The following CCDC51 variants were observed in gnomAD, a reference collection of about 807,000 sequenced individuals.
CCDC51 encodes mitochondrial potassium channel.
Under a neutral mutation model 24.8 loss-of-function variants are expected in CCDC51, and 25 were observed. That is an observed-to-expected ratio of 1.01 (90% CI 0.73 to 1.41). The LOEUF (loss-of-function observed/expected upper bound fraction) is 1.41. Among genes scored for constraint, CCDC51 ranks in the 40% most tolerant of loss-of-function variants. The pLI is 0.00. For missense variants in CCDC51, 466 were observed against 519.1 expected (o/e 0.90, Z 0.99); for synonymous variants, 190 against 204.3 (o/e 0.93, Z 0.60).
chr3:48,445,713 T>A, the CCDC51 span, among the ~76,000 whole-genome samples: 1 of 152,224 alleles, frequency 6.6e-6, no homozygotes, highest in African/African-American at 2.4e-5. Context: ...GATAGCACTC[T>A]CTTTTTCATT....
At chr3:48,440,338 T>TGCGGGGACG, upstream of CCDC51, 2 of 1,611,828 alleles carry the variant, frequency 1.2e-6, no homozygotes, top group Non-Finnish European at 1.7e-6. Context: ...CCGTGAGGAC[T>TGCGGGGACG]GCGGGGACGG....
In CCDC51 at chr3:48,440,018, G is replaced by T; in HGVS notation, c.-39C>A. 1.9e-6 allele frequency: 1 copy of T among 527,046 alleles called. No homozygotes were observed. The highest frequency in any genetic ancestry group is 3.3e-6 in the Non-Finnish European group (1 of 301,746). 32.6% of individuals were successfully genotyped at this position (527,046 alleles called of 1,614,324 possible). A position where few individuals can be genotyped will look rare whatever the true frequency, so the allele number is the denominator to read the frequency against. ...GTGCTCTTCCCGCGCACGGCCACAG[G>T]CCTGGTAGGCCGTCCGGTTAAGTAC... On this transcript the variant is annotated 5_prime_UTR_variant, in exon 1 of 4. Coordinates refer to ENST00000395694, the MANE Select transcript of CCDC51 (RefSeq NM_001256964.2).
chr3:48,440,075 G>C lies in CCDC51; in HGVS notation c.-96C>G. ...TACGGTTCCGATTCTACCCTGGCAG[G>C]ACAACCCTAGCTCCTCGTACCTGGC... On this transcript the variant is annotated 5_prime_UTR_variant, in exon 1 of 4. Transcript: ENST00000395694. The C allele has an allele frequency of 1.4e-6, 1 of 723,624 alleles. No homozygotes were observed. Among genetic ancestry groups the C allele is most frequent in the Non-Finnish European group, 2.2e-6 (1 of 458,774 alleles). The allele number at this position is 723,624 out of a possible 1,614,324, so 44.8% of individuals were successfully genotyped here. A position where few individuals can be genotyped will look rare whatever the true frequency, so the allele number is the denominator to read the frequency against.
chr3:48,442,964 G>C (rs1203212721), upstream of CCDC51, among the ~76,000 whole-genome samples: 5 of 151,852 alleles, frequency 3.3e-5, no homozygotes, highest in African/African-American at 1.2e-4. Context: ...TTTTGGCTGG[G>C]CATGGTGGCT....
chr3:48,445,769 C>G, the CCDC51 span, among the ~76,000 whole-genome samples: 5 of 152,332 alleles, frequency 3.3e-5, no homozygotes, highest in Middle Eastern at 3.4e-3. Flanking sequence ...AGGACACTCA[C>G]AGGTGAAGTT....
At chr3:48,443,339 G>A (rs1049454462), upstream of CCDC51, among the ~76,000 whole-genome samples, 2 of 151,776 alleles carry the variant, frequency 1.3e-5, no homozygotes, top group African/African-American at 2.4e-5. Context: ...CCTGAGGTCA[G>A]GAGTTCGAGA....
chr3:48,436,301 G>A (rs900694899), intron 1 of CCDC51, among the ~76,000 whole-genome samples: 3 of 152,142 alleles, frequency 2.0e-5, no homozygotes, highest in Non-Finnish European at 4.4e-5. Flanking sequence ...CTGATGGAAG[G>A]TGATATGAGA....
chr3:48,437,384 G>A lies in CCDC51; in HGVS notation c.-8-2248C>T, dbSNP rs2039386820. On this transcript the variant is annotated intron_variant, in intron 1 of 3. Coordinates refer to ENST00000395694, the MANE Select transcript of CCDC51 (RefSeq NM_001256964.2). The surrounding 1 kb of genome is among the most constrained non-coding windows in gnomAD (Gnocchi z 4.2). ...CACCATCCCACCAGCCCCCAACCCT[G>A]GGCCCTGTTTCTCAGCCCCCAGGAT... Among the ~76,000 whole-genome samples, 1 of 151,876 alleles carries A rather than the reference G, an allele frequency of 6.6e-6. No individual in the cohort carries two copies. Among genetic ancestry groups the A allele is most frequent in the East Asian group, 1.9e-4 (1 of 5,174 alleles).
upstream of CCDC51, chr3:48,440,988 A>G (rs943165305): frequency 1.2e-5 from 4 of 341,100 alleles, no homozygotes; most frequent in Non-Finnish European, 2.2e-5. Flanking sequence ...CTAGTGTTTG[A>G]ACCTTACTTG....
rs2039213531 is a variant in CCDC51 at position 48,432,689 on chromosome 3, C to A, written c.955G>T (p.Gly319Cys). The change falls in exon 4 of 4, where the codon GGC becomes TGC. Residue 319 changes from glycine to cysteine, a missense_variant. By Grantham distance (159) the Gly-to-Cys change is radical (BLOSUM62 -3). Transcript: ENST00000395694. ...HSRQVHSCLE[G>C]LREQLDGLEK... ...AGGCCATCAAGCTGCTCTCGTAAGC[C>A]TTCTAGACATGAATGGACTTGCCTG... 6.2e-7 allele frequency: 1 copy of A among 1,614,116 alleles called. No individual in the cohort carries two copies. Among genetic ancestry groups the A allele is most frequent in the African/African-American group, 1.3e-5 (1 of 74,940 alleles).
Position 48,435,784 on chromosome 3 carries a change from C to A in CCDC51, c.-8-648G>T, listed in dbSNP as rs1401657285. ...AGATAATTCCAGGGGCAAAAAAAAA[C>A]AAAACAAAACTGTTTTTGCCACAGA... On this transcript the variant is annotated intron_variant, in intron 1 of 3. Coordinates refer to ENST00000395694, the MANE Select transcript of CCDC51 (RefSeq NM_001256964.2). This position sits in a 1 kb window ranked among gnomAD's most constrained non-coding sequence, Gnocchi z 4.2. Among the ~76,000 whole-genome samples the A allele has an allele frequency of 5.3e-5, 8 of 151,786 alleles. No homozygotes were observed. Among genetic ancestry groups the A allele is most frequent in the Admixed American group, 2.0e-4 (3 of 15,246 alleles).
upstream of CCDC51, chr3:48,443,910 G>T: frequency 6.7e-7 from 1 of 1,499,978 alleles, no homozygotes; most frequent in Non-Finnish European, 8.9e-7. Context: ...AGGAGATGGT[G>T]ACCCTTTATT....
At chr3:48,440,218 C>T (rs2039519529), upstream of CCDC51, 3 of 1,520,728 alleles carry the variant, frequency 2.0e-6, no homozygotes, top group African/African-American at 1.4e-5. Context: ...TCAGCGGGGC[C>T]GCCTCGCTGT....
upstream of CCDC51, among the ~76,000 whole-genome samples, chr3:48,442,713 G>A (rs2039598572): frequency 6.6e-6 from 1 of 152,016 alleles, no homozygotes; most frequent in African/African-American, 2.4e-5. Context: ...ACCTCCCAAA[G>A]TGCTGGGATT....
upstream of CCDC51, chr3:48,444,084 C>T (rs2039625004): frequency 2.5e-6 from 1 of 405,888 alleles, no homozygotes; most frequent in Non-Finnish European, 4.3e-6. Flanking sequence ...TTCACTAAGT[C>T]GTTCCTACCA....
At chr3:48,441,010 T>TTTTTGTTTTG (rs747987196), upstream of CCDC51, 111 of 270,172 alleles carry the variant, frequency 4.1e-4, no homozygotes, top group African/African-American at 2.4e-3. Context: ...CTTAGAAGTT[T>TTTTTGTTTTG]TTTTGTTTTG....
upstream of CCDC51, chr3:48,440,798 G>C: frequency 1.5e-6 from 1 of 652,564 alleles, no homozygotes; most frequent in Non-Finnish European, 2.7e-6. Context: ...GGCAGTAAGG[G>C]CCGGGAGCTG....
At chr3:48,446,005 TA>T in the CCDC51 span, among the ~76,000 whole-genome samples, 2 of 152,184 alleles carry the variant, frequency 1.3e-5, no homozygotes, top group Non-Finnish European at 2.9e-5. Context: ...ATTCTCGTGT[TA>T]GTCTTATGTG....
Position 48,432,303 on chromosome 3 carries a change from T to A in CCDC51, c.*105A>T. The A allele has an allele frequency of 7.5e-7, 1 of 1,331,870 alleles. No homozygotes were observed. Among genetic ancestry groups the A allele is most frequent in the Non-Finnish European group, 1.0e-6 (1 of 959,986 alleles). The allele number at this position is 1,331,870 out of a possible 1,614,324, so 82.5% of individuals were successfully genotyped here. On this transcript the variant is annotated 3_prime_UTR_variant, in exon 4 of 4. Transcript: ENST00000395694. ...GCCACACAGATACTGCTCCTTCAGATTGAGGTTGTACATGCCCCCAAAGGC... is the reference window on the plus strand; with the variant it reads ...GCCACACAGATACTGCTCCTTCAGAATGAGGTTGTACATGCCCCCAAAGGC...
Sources: gnomAD v4.1 joint callset for allele counts (sites outside exome capture counted in the v4.1 genomes callset) on GRCh38, gnomAD v4.1.1 for gene constraint, Gnocchi (gnomAD v3.1) non-coding constraint, MANE v1.5 for transcripts, NCBI Gene and HGNC (gene_info 2026-07-23, HGNC 2026-07-21) for gene names.